Variants in SLC15A5 observed in about 807,000 individuals in gnomAD.
SLC15A5 encodes solute carrier family 15 member 5.
In SLC15A5, 58 loss-of-function variants were observed where a neutral mutation model predicts 56.1. The ratio of observed to expected loss-of-function variants is 1.03; its 90% CI spans 0.84 to 1.29. The LOEUF is 1.29. Ranked by LOEUF, SLC15A5 falls within the 50% of genes most tolerant of loss-of-function variation. The pLI is 0.00. For synonymous variants in SLC15A5, 264 were observed against 250.5 expected (o/e 1.05, Z -0.51); for missense variants, 681 against 672.1 (o/e 1.01, Z -0.15).
intron 5 of SLC15A5, 61 bp downstream of exon 5, chr12:16,239,620 G>C (rs955969958): frequency 8.9e-6 from 13 of 1,463,692 alleles, no homozygotes; most frequent in Non-Finnish European, 1.1e-5. Flanking sequence ...TCGGATCTTA[G>C]CAGAATGTTG....
chr12:16,249,765 A>G (rs966108586), intron 3 of SLC15A5, among the ~76,000 whole-genome samples: 3 of 152,056 alleles, frequency 2.0e-5, no homozygotes, highest in African/African-American at 4.8e-5. Flanking sequence ...GAAAATTTGA[A>G]TCCAAAAATA....
chr12:16,231,440 C>T (rs530907086), intron 5 of SLC15A5, among the ~76,000 whole-genome samples: 1 of 152,170 alleles, frequency 6.6e-6, no homozygotes, highest in African/African-American at 2.4e-5. Context: ...GAGGGAGCTA[C>T]AATCTAAACT....
rs528424542 is a variant in SLC15A5, at chr12:16,189,638, C to A, written c.*30G>T. 1.4e-6 allele frequency: 2 copies of A among 1,429,956 alleles called. No homozygotes were observed. Among genetic ancestry groups the A allele is most frequent in the Non-Finnish European group, 1.8e-6 (2 of 1,094,170 alleles). 88.6% of individuals were successfully genotyped at this position (1,429,956 alleles called of 1,614,324 possible). A position where few individuals can be genotyped will look rare whatever the true frequency, so the allele number is the denominator to read the frequency against. ...GAAGAAGAAAACAATGAATACTGTTCTCATAAGACAGGTAGACTCAAACAC... is the reference window on the plus strand; with the variant it reads ...GAAGAAGAAAACAATGAATACTGTTATCATAAGACAGGTAGACTCAAACAC... On this transcript the variant is annotated 3_prime_UTR_variant, in exon 9 of 9. Transcript: ENST00000344941.
At chr12:16,219,761 T>TG (rs912617725) in intron 6 of SLC15A5, among the ~76,000 whole-genome samples, 30 of 151,944 alleles carry the variant, frequency 2.0e-4, no homozygotes, top group African/African-American at 7.0e-4. Context: ...ATTTGATTTT[T>TG]TTTAGGCTCC....
Position 16,244,664 on chromosome 12 carries a change from C to T in SLC15A5, c.891G>A (p.Glu297=). 1.3e-6 allele frequency: 2 copies of T among 1,537,524 alleles called. No homozygotes were observed. The highest frequency in any genetic ancestry group is 1.7e-6 in the Non-Finnish European group (2 of 1,146,982). The change falls in exon 4 of 9, where the codon GAG becomes GAA. Residue 297 remains glutamate (E), a synonymous_variant. Transcript: ENST00000344941. ...AKEKNGGCYS[E]LHVEDTTFFL... is the part of the protein sequence containing the mutation. ...AAAATGTTGTGTCTTCTACATGGAG[C>T]TCACTGTAGCAGCCACCATTTTTTT...
chr12:16,213,944 T>C (rs1864106986), intron 7 of SLC15A5, among the ~76,000 whole-genome samples: 1 of 152,288 alleles, frequency 6.6e-6, no homozygotes, highest in South Asian at 2.1e-4. Flanking sequence ...GGAGGTTATA[T>C]TGCAAAAGTA....
At chr12:16,193,826 AGAGAGAGAGAGAGAGAGAGG>A (rs1187485503) in intron 8 of SLC15A5, among the ~76,000 whole-genome samples, 1 of 106,648 alleles carries the variant, frequency 9.4e-6, no homozygotes, top group African/African-American at 3.7e-5. Context: ...AGAGAGAGAG[AGAGAGAGAGAGAGAGAGAGG>A]CTGGCAATGG....
chr12:16,224,454 A>G lies in SLC15A5; in HGVS notation c.1311T>C (p.Tyr437=), dbSNP rs747638272. ...GTGTTTCCGCCACTCCAAGTAAAAC[A>G]TACTGAAGAATCAGGTAGAAACAGG... is the stretch of plus-strand genomic sequence containing the variant. ...SMPCFYLILQ[Y]VLLGVAETLV... is the part of the protein sequence containing the mutation. Residue 437 remains tyrosine, a synonymous_variant, in exon 6 of 9, where the codon TAT becomes TAC. Coordinates refer to ENST00000344941, the MANE Select transcript of SLC15A5 (RefSeq NM_001170798.1). 2.0e-5 allele frequency: 30 copies of G among 1,537,214 alleles called. No homozygotes were observed. The highest frequency in any genetic ancestry group is 1.7e-4 in the Middle Eastern group (1 of 6,012).
intron 7 of SLC15A5, among the ~76,000 whole-genome samples, chr12:16,210,730 G>GTTCATCTGAC (rs1176586477): frequency 6.6e-6 from 1 of 152,088 alleles, no homozygotes; most frequent in African/African-American, 2.4e-5. Context: ...TTGAATTCAG[G>GTTCATCTGAC]TTCATCTGAC....
At chr12:16,264,763 T>C (rs1864676988) in intron 2 of SLC15A5, among the ~76,000 whole-genome samples, 1 of 152,170 alleles carries the variant, frequency 6.6e-6, no homozygotes, top group Admixed American at 6.5e-5. Context: ...AAGGGGAGTT[T>C]CTTTGCACAA....
rs982231928 is a variant in SLC15A5 at position 16,224,279 on chromosome 12, A to G, written c.1351+135T>C. 21 of 734,224 alleles carry G rather than the reference A, an allele frequency of 2.9e-5. No individual in the cohort carries two copies. The African/African-American group carries it at 3.5e-4, about 12-fold the overall frequency. The allele number at this position is 734,224 out of a possible 1,614,324, so 45.5% of individuals were successfully genotyped here. A position where few individuals can be genotyped will look rare whatever the true frequency, so the allele number is the denominator to read the frequency against. The stretch of plus-strand genomic sequence containing the variant: ...ATGTTTGTAAAAAAGTAATAAATAA[A>G]TTTGCTGGAAGTATTGTGGGAACTC... On this transcript the variant is annotated intron_variant, in intron 6 of 8. Transcript: ENST00000344941.
intron 5 of SLC15A5, among the ~76,000 whole-genome samples, chr12:16,225,864 T>A (rs1442653636): frequency 6.6e-6 from 1 of 152,200 alleles, no homozygotes; most frequent in Admixed American, 6.5e-5. Flanking sequence ...CAGACGCCAG[T>A]GATCTGTGCT....
At chr12:16,207,491 T>G (rs1037018236) in intron 7 of SLC15A5, among the ~76,000 whole-genome samples, 8 of 152,170 alleles carry the variant, frequency 5.3e-5, no homozygotes, top group Non-Finnish European at 8.8e-5. Flanking sequence ...TCCTGTGTCT[T>G]GTGCTCTTTA....
rs760454612 is a variant in SLC15A5, at chr12:16,277,386, G to C, written c.300C>G (p.Leu100=). Residue 100 remains leucine, a synonymous_variant, in exon 1 of 9, where the codon CTC becomes CTG. Transcript: ENST00000344941. Reference sequence around the variant, plus strand: ...TGTTTCTTCCTAAATAGACATCAGTGAGCCATCTGACAAACACAGGGGTAA... The same window carrying C: ...TGTTTCTTCCTAAATAGACATCAGTCAGCCATCTGACAAACACAGGGGTAA... ...SILTPVFVRW[L]TDVYLGRNKL... is the part of the protein sequence containing the mutation. 2 of 1,536,008 alleles carry C rather than the reference G, an allele frequency of 1.3e-6. No homozygotes were observed. The highest frequency in any genetic ancestry group is 1.7e-6 in the Non-Finnish European group (2 of 1,146,244).
At chr12:16,250,763 A>C (rs1864511732) in intron 3 of SLC15A5, among the ~76,000 whole-genome samples, 1 of 151,998 alleles carries the variant, frequency 6.6e-6, no homozygotes, top group Non-Finnish European at 1.5e-5. Flanking sequence ...GAAAAGAGGC[A>C]ATAAAATGAA....
intron 3 of SLC15A5, among the ~76,000 whole-genome samples, chr12:16,249,385 TAAAGG>T (rs1864498207): frequency 6.6e-6 from 1 of 152,092 alleles, no homozygotes; most frequent in East Asian, 1.9e-4. Context: ...CACACCTCAC[TAAAGG>T]AAAGACAGAG....
intron 7 of SLC15A5, among the ~76,000 whole-genome samples, chr12:16,214,351 C>T (rs1324895354): frequency 6.6e-6 from 1 of 152,158 alleles, no homozygotes; most frequent in Non-Finnish European, 1.5e-5. Flanking sequence ...GGGTGGGACC[C>T]TCAGTCCCCA....
chr12:16,265,540 A>T (rs576208842), intron 2 of SLC15A5, among the ~76,000 whole-genome samples: 32 of 152,300 alleles, frequency 2.1e-4, no homozygotes, highest in African/African-American at 6.3e-4. Context: ...GTACAGTAGC[A>T]TGACCTTGAC....
At chr12:16,199,562 A>G (rs979269399) in intron 7 of SLC15A5, among the ~76,000 whole-genome samples, 19 of 152,228 alleles carry the variant, frequency 1.2e-4, no homozygotes, top group African/African-American at 4.6e-4. Flanking sequence ...ACTCAGAACC[A>G]AGTACCTCTG....
Sources: allele counts gnomAD v4.1 joint callset (sites outside exome capture counted in the v4.1 genomes callset), GRCh38; gene constraint gnomAD v4.1.1; transcripts MANE v1.5; gene names NCBI Gene and HGNC (gene_info 2026-07-23, HGNC 2026-07-21).